Variants in DACH2 observed in about 807,000 individuals in gnomAD.
DACH2 encodes dachshund family transcription factor 2.
Under a neutral mutation model 35.8 loss-of-function variants are expected in DACH2, and 17 were observed. The ratio of observed to expected loss-of-function variants is 0.48; its 90% CI spans 0.33 to 0.71. The LOEUF (loss-of-function observed/expected upper bound fraction) is 0.71, where lower values mean the gene tolerates loss of function less well. Among genes scored for constraint, DACH2 ranks in the 30% least tolerant of loss-of-function variants. The pLI is 0.02. For missense variants in DACH2, 469 were observed against 472.7 expected (o/e 0.99, Z 0.07); for synonymous variants, 195 against 177.3 (o/e 1.10, Z -0.79).
intron 7 of DACH2, among the ~76,000 whole-genome samples, chrX:86,782,287 A>C (rs2042096200): frequency 8.9e-6 from 1 of 112,037 alleles, no homozygotes; most frequent in Non-Finnish European, 1.9e-5. Context: ...AATTCAATGC[A>C]ATCTGTATTA....
At chrX:86,270,797 G>T (rs1225854194) in intron 1 of DACH2, among the ~76,000 whole-genome samples, 5 of 111,875 alleles carry the variant, frequency 4.5e-5, no homozygotes, top group African/African-American at 1.6e-4. Context: ...TCTCCATCTG[G>T]TTTCATAGTA....
rs756830787 is a variant in DACH2 at position 86,647,533 on chromosome X, CAG to C, written c.641-3502_641-3501del. Among the ~76,000 whole-genome samples, 3 of 110,526 alleles carry C rather than the reference CAG, an allele frequency of 2.7e-5. No individual in the cohort carries two copies. The East Asian group carries it at 8.5e-4, about 31-fold the overall frequency. On this transcript the variant is annotated intron_variant, in intron 3 of 11. Coordinates refer to ENST00000373125, the MANE Select transcript of DACH2 (RefSeq NM_053281.3). Reference sequence around the variant, plus strand: ...GTCGTGCACTGAGGAGAAGAGGAAACAGGGTGCTATTAGTTGAGATGAGCAAA... The same window carrying C: ...GTCGTGCACTGAGGAGAAGAGGAAACGGTGCTATTAGTTGAGATGAGCAAA...
At chrX:86,721,883 C>T (rs1170767799) in intron 6 of DACH2, among the ~76,000 whole-genome samples, 1 of 111,218 alleles carries the variant, frequency 9.0e-6, no homozygotes, top group East Asian at 2.8e-4. Context: ...AAATGAATGC[C>T]CGATGCTTAT....
At chrX:86,428,899 A>G (rs1569395698) in intron 2 of DACH2, among the ~76,000 whole-genome samples, 1 of 111,467 alleles carries the variant, frequency 9.0e-6, no homozygotes, top group Non-Finnish European at 1.9e-5. Context: ...AATACTAAGC[A>G]GTAAAGTTCA....
chrX:86,234,965 T>C (rs1277027829), intron 1 of DACH2, among the ~76,000 whole-genome samples: 4 of 111,685 alleles, frequency 3.6e-5, no homozygotes, highest in Admixed American at 9.5e-5. Flanking sequence ...CAGAATTCCG[T>C]AGTTTTTACC....
intron 1 of DACH2, among the ~76,000 whole-genome samples, chrX:86,322,581 G>A: frequency 8.9e-6 from 1 of 111,913 alleles, no homozygotes; most frequent in Non-Finnish European, 1.9e-5. Flanking sequence ...AATTGCCTAT[G>A]TGACCTTATT....
At chrX:86,389,117 C>T (rs940317843) in intron 2 of DACH2, among the ~76,000 whole-genome samples, 2 of 111,866 alleles carry the variant, frequency 1.8e-5, no homozygotes, top group Non-Finnish European at 3.8e-5. Flanking sequence ...ACTACTCATT[C>T]GTAGTATCAA....
chrX:86,635,323 A>G (rs1328550236), intron 3 of DACH2, among the ~76,000 whole-genome samples: 1 of 50,281 alleles, frequency 2.0e-5, no homozygotes, highest in African/African-American at 9.6e-5. Context: ...AACACTCCAT[A>G]GTGTTAAAAA....
chrX:86,215,787 C>G, intron 1 of DACH2, among the ~76,000 whole-genome samples: 1 of 111,847 alleles, frequency 8.9e-6, no homozygotes, highest in Middle Eastern at 4.6e-3. Flanking sequence ...GGCAAGGATA[C>G]AGAATTACCC....
At chrX:86,248,640 A>G (rs146621858) in intron 1 of DACH2, among the ~76,000 whole-genome samples, 1,520 of 111,239 alleles carry the variant, frequency 0.014, 21 homozygotes, top group Non-Finnish European at 0.023. Context: ...TATAGATTCA[A>G]TGCTATTCCT....
intron 1 of DACH2, among the ~76,000 whole-genome samples, chrX:86,253,255 C>T (rs1373392656): frequency 2.7e-5 from 3 of 111,191 alleles, no homozygotes; most frequent in East Asian, 2.8e-4. Context: ...AACTACAAAA[C>T]AGTGCTGAAA....
intron 7 of DACH2, among the ~76,000 whole-genome samples, chrX:86,770,033 A>T (rs921628622): frequency 5.4e-5 from 6 of 110,773 alleles, no homozygotes; most frequent in Non-Finnish European, 1.1e-4. Context: ...AAGATAAGAA[A>T]AAAAAGCAAA....
chrX:86,695,100 T>G lies in DACH2; in HGVS notation c.852T>G (p.His284Gln). The change falls in exon 5 of 12, where the codon CAT becomes CAG. Residue 284 changes from histidine to glutamine, a missense_variant. Around this residue, in one of 3 missense-constraint regions of DACH2, gnomAD observed 363 missense variants for 334.4 expected, o/e 1.09. Coordinates refer to ENST00000373125, the MANE Select transcript of DACH2 (RefSeq NM_053281.3). ...CTGGACCCCAACATGGAATTGCTCATGCAGCCCTAGCTGGCCAGCCAGGCA... is the reference window on the plus strand; with the variant it reads ...CTGGACCCCAACATGGAATTGCTCAGGCAGCCCTAGCTGGCCAGCCAGGCA... ...AAPGPQHGIAHAALAGQPGIG... is the reference protein window; with the variant it reads ...AAPGPQHGIAQAALAGQPGIG... 1 of 1,156,559 alleles carries G rather than the reference T, an allele frequency of 8.6e-7. No individual in the cohort carries two copies. Among genetic ancestry groups the G allele is most frequent in the Non-Finnish European group, 1.2e-6 (1 of 867,523 alleles).
At chrX:86,679,606 C>G (rs1169563157) in intron 4 of DACH2, among the ~76,000 whole-genome samples, 4 of 93,673 alleles carry the variant, frequency 4.3e-5, no homozygotes, top group Admixed American at 1.3e-4. Flanking sequence ...CTCTCTCTCT[C>G]TCTCTGTCTC....
chrX:86,571,555 A>G (rs1436689483), intron 3 of DACH2, among the ~76,000 whole-genome samples: 3 of 110,478 alleles, frequency 2.7e-5, no homozygotes, highest in Non-Finnish European at 3.8e-5. Flanking sequence ...CACAAGGACA[A>G]AAAACCAAAC....
At chrX:86,655,168 AT>A (rs1442829728) in intron 4 of DACH2, among the ~76,000 whole-genome samples, 1 of 111,863 alleles carries the variant, frequency 8.9e-6, no homozygotes, top group African/African-American at 3.2e-5. Flanking sequence ...ATTATTAGTT[AT>A]GGGAATGTTC....
At chrX:86,191,089 A>C (rs913029432) in intron 1 of DACH2, among the ~76,000 whole-genome samples, 2 of 112,138 alleles carry the variant, frequency 1.8e-5, no homozygotes, top group Non-Finnish European at 3.8e-5. Flanking sequence ...AATAACTTAA[A>C]ACAGAACTGC....
At chrX:86,402,021 T>G (rs1314927506) in intron 2 of DACH2, among the ~76,000 whole-genome samples, 2 of 111,896 alleles carry the variant, frequency 1.8e-5, no homozygotes, top group African/African-American at 6.5e-5. Flanking sequence ...GTCTAGGCAT[T>G]GAAGGGGCAT....
intron 6 of DACH2, among the ~76,000 whole-genome samples, chrX:86,739,232 G>A (rs1195924763): frequency 9.0e-6 from 1 of 111,544 alleles, no homozygotes; most frequent in African/African-American, 3.3e-5. Flanking sequence ...AGAGGTTATA[G>A]GTATCTAATA....
Sources: allele counts gnomAD v4.1 joint callset (sites outside exome capture counted in the v4.1 genomes callset), GRCh38; gene constraint gnomAD v4.1.1; regional missense constraint gnomAD v4.1.1; transcripts MANE v1.5; gene names NCBI Gene and HGNC (gene_info 2026-07-23, HGNC 2026-07-21).